The following STAM variants were observed in gnomAD, a reference collection of about 807,000 sequenced individuals.
STAM encodes the protein signal transducing adapter molecule 1.
In STAM, 16 loss-of-function variants were observed where a neutral mutation model predicts 63.4. The ratio of observed to expected loss-of-function variants is 0.25; its 90% confidence interval spans 0.17 to 0.38. The LOEUF (loss-of-function observed/expected upper bound fraction) is 0.38, where lower values mean the gene tolerates loss of function less well. STAM is among the 10% of genes least tolerant of loss of function. The pLI is 1.00. For missense variants in STAM, 636 were observed against 657.1 expected (o/e 0.97, Z 0.35); for synonymous variants, 238 against 223.9 (o/e 1.06, Z -0.56).
intron 2 of STAM, among the ~76,000 whole-genome samples, chr10:17,665,103 T>C (rs1197134083): frequency 2.0e-5 from 3 of 152,040 alleles, no homozygotes; most frequent in Non-Finnish European, 4.4e-5. Flanking sequence ...AAAAGAGCTA[T>C]TATTGTGAAG....
At chr10:17,668,974 G>GT (rs1433350726) in intron 2 of STAM, among the ~76,000 whole-genome samples, 5 of 152,196 alleles carry the variant, frequency 3.3e-5, no homozygotes, top group African/African-American at 1.2e-4. Context: ...GGGTAAATAT[G>GT]TGAGAACATG....
chr10:17,665,673 T>C (rs1834346520), intron 2 of STAM, among the ~76,000 whole-genome samples: 1 of 151,994 alleles, frequency 6.6e-6, no homozygotes, highest in Non-Finnish European at 1.5e-5. Flanking sequence ...ATCTAACACA[T>C]ATACATAATT....
rs140639291 is a variant in STAM at position 17,650,396 on chromosome 10, G to C, written c.40+6017G>C. Among the ~76,000 whole-genome samples the C allele has an allele frequency of 3.4e-3, 523 of 152,278 alleles. 11 individuals are homozygous for C. Among genetic ancestry groups the C allele is most frequent in the East Asian group, 9.6e-4 (5 of 5,186 alleles). On this transcript the variant is annotated intron_variant, in intron 1 of 13. Coordinates refer to ENST00000377524, the MANE Select transcript of STAM (RefSeq NM_003473.4). ...CTGACTCTTTACCAGAGTTGAATAG[G>C]CTTCAAATATCTCAAGTTCAGCATG... is the stretch of plus-strand genomic sequence containing the variant.
At chr10:17,687,175 A>G (rs12772669) in intron 4 of STAM, among the ~76,000 whole-genome samples, 4 of 152,214 alleles carry the variant, frequency 2.6e-5, no homozygotes, top group African/African-American at 9.6e-5. Flanking sequence ...ATCAACCATA[A>G]AGAGTTATGT....
chr10:17,708,159 G>T (rs2131693932), intron 12 of STAM, among the ~76,000 whole-genome samples: 1 of 152,270 alleles, frequency 6.6e-6, no homozygotes, highest in South Asian at 2.1e-4. Context: ...CAAAGTGCTG[G>T]GATTACAGGC....
chr10:17,709,163 A>C lies in STAM; in HGVS notation c.1385+212A>C, dbSNP rs546730093. 1.8e-3 allele frequency among the ~76,000 whole-genome samples: 280 copies of C among 152,270 alleles called. 3 individuals carry two copies. Among genetic ancestry groups the C allele is most frequent in the African/African-American group, 6.6e-3 (273 of 41,558 alleles). On this transcript the variant is annotated intron_variant, in intron 13 of 13. Coordinates refer to ENST00000377524, the MANE Select transcript of STAM (RefSeq NM_003473.4). The stretch of plus-strand genomic sequence containing the variant: ...TGCTCCCGACTCGCTCAACTCATGT[A>C]ATCTGGTTTCAGCCTTATATTTTTA...
In STAM at chr10:17,712,763, G is replaced by C. The variant is rs144011429; in HGVS notation, c.1386-1780G>C. ...TGGAAACAGGAAGACAGGAAGTAGA[G>C]GCAGTGGATAAAGACAACCCTTTGA... is the stretch of plus-strand genomic sequence containing the variant. On this transcript the variant is annotated intron_variant, in intron 13 of 13. Transcript: ENST00000377524. Among the ~76,000 whole-genome samples the C allele has an allele frequency of 4.6e-3, 697 of 152,282 alleles. 6 individuals carry two copies. Among genetic ancestry groups the C allele is most frequent in the African/African-American group, 0.016 (674 of 41,556 alleles).
intron 4 of STAM, among the ~76,000 whole-genome samples, chr10:17,685,247 G>A (rs1273190915): frequency 6.6e-6 from 1 of 152,098 alleles, no homozygotes; most frequent in Admixed American, 6.5e-5. Flanking sequence ...GTAGGCACAA[G>A]GTATTTTCCT....
chr10:17,680,607 A>C (rs1554825233), intron 2 of STAM, among the ~76,000 whole-genome samples: 2 of 152,050 alleles, frequency 1.3e-5, no homozygotes, highest in Admixed American at 1.3e-4. Context: ...GGGTCCCACT[A>C]TATTGCCCAG....
intron 1 of STAM, among the ~76,000 whole-genome samples, chr10:17,659,239 A>G (rs879957513): frequency 9.2e-5 from 14 of 152,094 alleles, no homozygotes; most frequent in Non-Finnish European, 1.9e-4. Flanking sequence ...TGAAAATATT[A>G]TTAATTCCTC....
chr10:17,656,249 G>A (rs373489236), intron 1 of STAM, among the ~76,000 whole-genome samples: 50 of 145,804 alleles, frequency 3.4e-4, no homozygotes, highest in South Asian at 6.5e-4. Flanking sequence ...AGCCGAGATC[G>A]CACCACTGCA....
intron 2 of STAM, among the ~76,000 whole-genome samples, chr10:17,670,030 G>A (rs1554823910): frequency 1.3e-5 from 2 of 151,762 alleles, no homozygotes; most frequent in East Asian, 3.9e-4. Context: ...GCGCCCAGCT[G>A]GGAATTTCCC....
rs1836757331 is a variant in STAM, at chr10:17,715,099, G to A, written c.*319G>A. 6 of 356,936 alleles carry A rather than the reference G, an allele frequency of 1.7e-5. No individual in the cohort carries two copies. The highest frequency in any genetic ancestry group is 1.6e-4 in the South Asian group (6 of 36,874). The allele number at this position is 356,936 out of a possible 1,614,324, so 22.1% of individuals were successfully genotyped here. On this transcript the variant is annotated 3_prime_UTR_variant, in exon 14 of 14. Coordinates refer to ENST00000377524, the MANE Select transcript of STAM (RefSeq NM_003473.4). The stretch of plus-strand genomic sequence containing the variant: ...ACTTACAAAAACTGTTGTGACAAAT[G>A]TTATGTACATATATTGATATGTAAC...
At chr10:17,648,263 C>T (rs1833595611) in intron 1 of STAM, among the ~76,000 whole-genome samples, 1 of 152,128 alleles carries the variant, frequency 6.6e-6, no homozygotes, top group South Asian at 2.1e-4. Context: ...TAAAAACGCA[C>T]CAATCAGTGC....
chr10:17,671,419 A>T (rs1554824077), intron 2 of STAM, among the ~76,000 whole-genome samples: 2 of 152,250 alleles, frequency 1.3e-5, no homozygotes. Flanking sequence ...TTGTATTAAC[A>T]TTCTGATAAG....
At chr10:17,649,189 A>G (rs1227045425) in intron 1 of STAM, among the ~76,000 whole-genome samples, 1 of 152,220 alleles carries the variant, frequency 6.6e-6, no homozygotes, top group Non-Finnish European at 1.5e-5. Flanking sequence ...GGATTCCTTG[A>G]GGCCAGGAAT....
At chr10:17,656,293 TAAAAA>T (rs34558527) in intron 1 of STAM, among the ~76,000 whole-genome samples, 1 of 127,906 alleles carries the variant, frequency 7.8e-6, no homozygotes, top group Non-Finnish European at 1.7e-5. Flanking sequence ...GACTCCGTCT[TAAAAA>T]AAAAAAAAAA....
intron 2 of STAM, 129 bp downstream of exon 2, chr10:17,660,677 G>A: frequency 3.4e-6 from 2 of 585,320 alleles, no homozygotes; most frequent in Non-Finnish European, 5.8e-6. Flanking sequence ...CTTGAGCCCA[G>A]GAGTTAGAGG....
chr10:17,695,311 T>C lies in STAM; in HGVS notation c.728+70T>C. On this transcript the variant is annotated intron_variant, in intron 7 of 13. Transcript: ENST00000377524. ...GCTTCTGTGTTTCATATTATTCCTG[T>C]TGATTGCAGTTACCAAATACAATAA... 1.3e-5 allele frequency: 18 copies of C among 1,376,478 alleles called. No homozygotes were observed. In the South Asian group the frequency reaches 2.4e-4, roughly 19 times the overall value. 85.3% of individuals were successfully genotyped at this position (1,376,478 alleles called of 1,614,324 possible). A position where few individuals can be genotyped will look rare whatever the true frequency, so the allele number is the denominator to read the frequency against.
Sources: allele counts gnomAD v4.1 joint callset (sites outside exome capture counted in the v4.1 genomes callset), GRCh38; gene constraint gnomAD v4.1.1; transcripts MANE v1.5; gene names NCBI Gene and HGNC (gene_info 2026-07-23, HGNC 2026-07-21).